Variants in CACNA2D3 observed in about 807,000 individuals in gnomAD.
CACNA2D3 encodes the protein voltage-dependent calcium channel subunit alpha-2/delta-3.
Under a neutral mutation model 160.6 loss-of-function variants are expected in CACNA2D3, and 60 were observed. That is an observed-to-expected ratio of 0.37 (90% CI 0.30 to 0.46). The LOEUF is 0.46. CACNA2D3 is among the 20% of genes least tolerant of loss of function. The probability of loss-of-function intolerance (pLI) is 1.00; values close to 1 mark genes in which losing one functional copy is unlikely to be tolerated. For missense variants in CACNA2D3, 1,205 were observed against 1,365.0 expected, an observed-to-expected ratio of 0.88 and a Z score of 1.85; for synonymous variants, 558 against 492.9, an observed-to-expected ratio of 1.13 and a Z score of -1.75.
chr3:54,796,865 T>G (rs1167740700), intron 13 of CACNA2D3, among the ~76,000 whole-genome samples: 3 of 152,086 alleles, frequency 2.0e-5, no homozygotes, highest in Non-Finnish European at 2.9e-5. Context: ...CCTTTCAGTT[T>G]ACATAGAGAT....
At position 54,548,497 on chromosome 3, in the gene CACNA2D3, G is replaced by A. The variant is rs139918841; in HGVS notation, c.545-14303G>A. On this transcript the variant is annotated intron_variant, in intron 5 of 37. Coordinates refer to ENST00000474759, the MANE Select transcript of CACNA2D3 (RefSeq NM_018398.3). ...TGGCTATTTGAAGCTCAGACCTCTAGCAGCAGTTCCTTTCCTAGGCATTTA... is the reference window on the plus strand; with the variant it reads ...TGGCTATTTGAAGCTCAGACCTCTAACAGCAGTTCCTTTCCTAGGCATTTA... Among the ~76,000 whole-genome samples, 251 of 152,288 alleles carry A rather than the reference G, an allele frequency of 1.6e-3. 3 individuals are homozygous for A. Among genetic ancestry groups the A allele is most frequent in the African/African-American group, 5.8e-3 (242 of 41,550 alleles).
chr3:54,764,229 CA>C lies in CACNA2D3; in HGVS notation c.1259del (p.Gln420ArgfsTer48), dbSNP rs1702176266. 1 of 1,613,138 alleles carries C rather than the reference CA, an allele frequency of 6.2e-7. No individual in the cohort carries two copies. The highest frequency in any genetic ancestry group is 2.2e-5 in the East Asian group (1 of 44,816). On this transcript the variant is annotated frameshift_variant, in exon 13 of 38. Coordinates refer to ENST00000474759, the MANE Select transcript of CACNA2D3 (RefSeq NM_018398.3). LOFTEE classifies it high-confidence loss of function. The stretch of plus-strand genomic sequence containing the variant: ...TTGGGTTTTGACAGGATTTTTTACC[CA>C]GATCTCCACCTTGGCTGATGTGCAG... ...MACANKGFFT[Q>X]ISTLADVQEN...
At chr3:54,166,777 C>A (rs764285800) in intron 2 of CACNA2D3, among the ~76,000 whole-genome samples, 7 of 152,092 alleles carry the variant, frequency 4.6e-5, no homozygotes, top group Non-Finnish European at 1.0e-4. Flanking sequence ...TATGAGACTT[C>A]CATGACAATA....
At chr3:54,595,372 A>C (rs1702936468) in intron 9 of CACNA2D3, among the ~76,000 whole-genome samples, 1 of 148,650 alleles carries the variant, frequency 6.7e-6, no homozygotes, top group East Asian at 2.0e-4. Context: ...GTGGATATGG[A>C]TGGGTGTCCA....
Position 54,386,816 on chromosome 3 carries a change from C to T in CACNA2D3, c.381+42C>T, listed in dbSNP as rs770414818. 1.9e-5 allele frequency: 29 copies of T among 1,527,126 alleles called. No homozygotes were observed. The East Asian group carries it at 4.9e-4, about 26-fold the overall frequency. 94.6% of individuals were successfully genotyped at this position (1,527,126 alleles called of 1,614,324 possible). On this transcript the variant is annotated intron_variant, in intron 4 of 37. Transcript: ENST00000474759. Reference sequence around the variant, plus strand: ...TGAGTTAAATTGTTTTGTGTGTTTCCTGCCAAAGGACAAGTACCAGGTATA... The same window carrying T: ...TGAGTTAAATTGTTTTGTGTGTTTCTTGCCAAAGGACAAGTACCAGGTATA...
chr3:54,508,961 G>A (rs1464537541), intron 5 of CACNA2D3, among the ~76,000 whole-genome samples: 1 of 152,202 alleles, frequency 6.6e-6, no homozygotes, highest in Non-Finnish European at 1.5e-5. Flanking sequence ...GATGGCATTG[G>A]GTCCCCTGCT....
intron 2 of CACNA2D3, among the ~76,000 whole-genome samples, chr3:54,314,116 C>T (rs1327207949): frequency 6.6e-6 from 1 of 152,076 alleles, no homozygotes. Flanking sequence ...CCTTTGCATC[C>T]TCATAGTTAG....
At chr3:54,374,762 C>G (rs1175970415) in intron 3 of CACNA2D3, among the ~76,000 whole-genome samples, 2 of 152,194 alleles carry the variant, frequency 1.3e-5, no homozygotes, top group South Asian at 4.1e-4. Flanking sequence ...CCCTTATTCT[C>G]TGTATCCTGT....
chr3:54,733,814 G>C (rs1701440503), intron 11 of CACNA2D3, among the ~76,000 whole-genome samples: 1 of 152,144 alleles, frequency 6.6e-6, no homozygotes, highest in Admixed American at 6.5e-5. Flanking sequence ...AGCAGCAGTT[G>C]CCTCCAGCGG....
chr3:54,516,368 AC>A (rs1701551085), intron 5 of CACNA2D3, among the ~76,000 whole-genome samples: 1 of 152,094 alleles, frequency 6.6e-6, no homozygotes, highest in Non-Finnish European at 1.5e-5. Context: ...TTCTTAAGTG[AC>A]AGAGGTATTT....
chr3:54,317,537 C>CT (rs146924643), intron 2 of CACNA2D3, among the ~76,000 whole-genome samples: 8,994 of 150,096 alleles, frequency 0.06, 343 homozygotes, highest in East Asian at 0.17. Context: ...GCCAAACTCA[C>CT]TTTTTTTTTT....
intron 13 of CACNA2D3, among the ~76,000 whole-genome samples, chr3:54,793,018 C>A (rs532777658): frequency 1.3e-5 from 2 of 152,322 alleles, no homozygotes; most frequent in Non-Finnish European, 2.9e-5. Flanking sequence ...AAACCTGTTA[C>A]TTTTCTTCTA....
At chr3:55,017,414 C>T (rs961311574) in intron 34 of CACNA2D3, among the ~76,000 whole-genome samples, 6 of 152,212 alleles carry the variant, frequency 3.9e-5, no homozygotes, top group African/African-American at 9.6e-5. Flanking sequence ...AGAATGCTAC[C>T]GTTATCTTTG....
intron 13 of CACNA2D3, among the ~76,000 whole-genome samples, chr3:54,814,532 A>G (rs2694118): frequency 0.99 from 150,571 of 152,366 alleles, 74,410 homozygotes; most frequent in Middle Eastern, 1. Context: ...TGATCTAAAT[A>G]TGTGCTATTC....
At chr3:54,992,688 G>A (rs929705186) in intron 31 of CACNA2D3, among the ~76,000 whole-genome samples, 1 of 151,808 alleles carries the variant, frequency 6.6e-6, no homozygotes, top group African/African-American at 2.4e-5. Context: ...CTCCCCTTAG[G>A]GTGTGATGGG....
intron 2 of CACNA2D3, among the ~76,000 whole-genome samples, chr3:54,226,294 C>T (rs1191467102): frequency 6.6e-5 from 10 of 150,802 alleles, no homozygotes; most frequent in African/African-American, 2.0e-4. Flanking sequence ...TGCAATTCCC[C>T]GCCTCCTGCC....
At chr3:54,478,234 C>G (rs538163730) in intron 4 of CACNA2D3, among the ~76,000 whole-genome samples, 1 of 151,974 alleles carries the variant, frequency 6.6e-6, no homozygotes, top group Non-Finnish European at 1.5e-5. Context: ...ATGACTAGAG[C>G]AAGTGATATA....
intron 2 of CACNA2D3, among the ~76,000 whole-genome samples, chr3:54,169,204 A>G (rs1214381466): frequency 2.6e-5 from 4 of 152,236 alleles, no homozygotes; most frequent in Non-Finnish European, 5.9e-5. Flanking sequence ...GATTTCTTCG[A>G]AAGTATCAAG....
chr3:54,728,221 CA>C (rs1202439975), intron 11 of CACNA2D3, among the ~76,000 whole-genome samples: 6 of 152,058 alleles, frequency 3.9e-5, no homozygotes, highest in Non-Finnish European at 8.8e-5. Context: ...AGTTATGTAT[CA>C]GATCTTTTGA....
Sources: allele counts gnomAD v4.1 joint callset (sites outside exome capture counted in the v4.1 genomes callset), GRCh38; gene constraint gnomAD v4.1.1; transcripts MANE v1.5; gene names NCBI Gene and HGNC (gene_info 2026-07-23, HGNC 2026-07-21).